Variants in DOLPP1 observed in about 807,000 individuals in gnomAD.
DOLPP1 encodes dolichyl pyrophosphate phosphatase 1.
In DOLPP1, 15 loss-of-function variants were observed where a neutral mutation model predicts 34.1. The ratio of observed to expected loss-of-function variants is 0.44; its 90% confidence interval spans 0.29 to 0.68. The LOEUF (loss-of-function observed/expected upper bound fraction) is 0.68, where lower values mean the gene tolerates loss of function less well. Among genes scored for constraint, DOLPP1 ranks in the 30% least tolerant of loss-of-function variants. The pLI is 0.12. For synonymous variants in DOLPP1, 130 were observed against 128.2 expected, an observed-to-expected ratio of 1.01 and a Z score of -0.10; for missense variants, 249 against 307.1, an observed-to-expected ratio of 0.81 and a Z score of 1.41.
At position 129,084,755 on chromosome 9, in the gene DOLPP1, G is replaced by A. The variant is rs758962136; in HGVS notation, c.164G>A (p.Arg55Gln). 2 of 1,611,772 alleles carry A rather than the reference G, an allele frequency of 1.2e-6. No homozygotes were observed. Among genetic ancestry groups the A allele is most frequent in the Non-Finnish European group, 8.5e-7 (1 of 1,178,012 alleles). ...TTCGTGACCCTCATCATATTTAAGC[G>A]GGAGCTGCACACGGTGAGTCTGTCT... ...VGFVTLIIFK[R>Q]ELHTISFLGG... The change falls in exon 2 of 8, where the codon CGG becomes CAG. Residue 55 changes from arginine to glutamine, a missense_variant. Transcript: ENST00000372546.
rs1223728516 is a variant in DOLPP1 at position 129,085,360 on chromosome 9, C to T, written c.362+54C>T. 1.9e-6 allele frequency: 3 copies of T among 1,564,764 alleles called. No homozygotes were observed. Among genetic ancestry groups the T allele is most frequent in the African/African-American group, 2.7e-5 (2 of 73,894 alleles). ...CTGAACTTGCTCAGGCCGAGTTCTG[C>T]TAGGGACTCACTGCTAGCCCTTTGG... On this transcript the variant is annotated intron_variant, in intron 4 of 7. Transcript: ENST00000372546. The surrounding 1 kb of genome is among the most constrained non-coding windows in gnomAD (Gnocchi z 7.0).
At chr9:129,087,106 G>A (rs1847004470) in intron 7 of DOLPP1, among the ~76,000 whole-genome samples, 1 of 152,132 alleles carries the variant, frequency 6.6e-6, no homozygotes, top group African/African-American at 2.4e-5. Context: ...GGTTCTCAGG[G>A]CTCCTGTGTG....
rs565838867 is a variant in DOLPP1 at position 129,086,382 on chromosome 9, C to A, written c.590+115C>A. The A allele has an allele frequency of 1.5e-4, 193 of 1,325,838 alleles. No individual in the cohort carries two copies. In the African/African-American group the frequency reaches 2.6e-3, roughly 18 times the overall value. 82.1% of individuals were successfully genotyped at this position (1,325,838 alleles called of 1,614,324 possible). ...CAGCCCCTGTCTCCCTGGGAAGGCC[C>A]CAGTGCCCCAGGGTTTGTGGCAGAG... On this transcript the variant is annotated intron_variant, in intron 6 of 7. Coordinates refer to ENST00000372546, the MANE Select transcript of DOLPP1 (RefSeq NM_020438.5).
chr9:129,089,114 T>G lies in DOLPP1; in HGVS notation c.*107T>G. The G allele has an allele frequency of 8.8e-7, 1 of 1,139,228 alleles. No individual in the cohort carries two copies. Among genetic ancestry groups the G allele is most frequent in the Non-Finnish European group, 1.3e-6 (1 of 775,380 alleles). 70.6% of individuals were successfully genotyped at this position (1,139,228 alleles called of 1,614,324 possible). Reference sequence around the variant, plus strand: ...AAGCAGAGACCTCTACAGACCCAAGTCACCAAGTGGAGCCTTTTTTTTTCT... The same window carrying G: ...AAGCAGAGACCTCTACAGACCCAAGGCACCAAGTGGAGCCTTTTTTTTTCT... On this transcript the variant is annotated 3_prime_UTR_variant, in exon 8 of 8. Transcript: ENST00000372546. This position sits in a 1 kb window ranked among gnomAD's most constrained non-coding sequence, Gnocchi z 4.9.
chr9:129,081,297 C>G (rs1368358205), intron 1 of DOLPP1, 90 bp downstream of exon 1: 17 of 1,507,834 alleles, frequency 1.1e-5, no homozygotes, highest in Non-Finnish European at 1.5e-5. Context: ...GCGGAGGGGG[C>G]GCCGGGGGAC....
At chr9:129,084,306 T>C (rs1406961121) in intron 1 of DOLPP1, among the ~76,000 whole-genome samples, 1 of 152,220 alleles carries the variant, frequency 6.6e-6, no homozygotes, top group Non-Finnish European at 1.5e-5. Context: ...TGGTCTAGTG[T>C]CTGGAACAGG....
intron 2 of DOLPP1, 28 bp downstream of exon 2, chr9:129,084,796 C>CCCCCCCCCCCCCCT: frequency 6.6e-7 from 1 of 1,519,094 alleles, no homozygotes; most frequent in Non-Finnish European, 9.1e-7. Flanking sequence ...ACACCCTCCC[C>CCCCCCCCCCCCCCT]ACCCCACCCC....
intron 1 of DOLPP1, 113 bp from the exon 2 acceptor site, chr9:129,084,555 T>C (rs1846948360): frequency 2.4e-6 from 2 of 833,304 alleles, no homozygotes; most frequent in Non-Finnish European, 4.2e-6. Flanking sequence ...CTGGCCTCCA[T>C]TCTCCAGGCC....
In DOLPP1 at chr9:129,085,140, C is replaced by T; in HGVS notation, c.262+33C>T. On this transcript the variant is annotated intron_variant, in intron 3 of 7. Coordinates refer to ENST00000372546, the MANE Select transcript of DOLPP1 (RefSeq NM_020438.5). The surrounding 1 kb of genome is among the most constrained non-coding windows in gnomAD (Gnocchi z 7.0). ...CTCAGCTGCGAGGGCCTGAGGTTCCCCCAGGTTGGGGCGTTACTGGGAGGT... is the reference window on the plus strand; with the variant it reads ...CTCAGCTGCGAGGGCCTGAGGTTCCTCCAGGTTGGGGCGTTACTGGGAGGT... 1 of 1,608,842 alleles carries T rather than the reference C, an allele frequency of 6.2e-7. No individual in the cohort carries two copies. Among genetic ancestry groups the T allele is most frequent in the Non-Finnish European group, 8.5e-7 (1 of 1,177,270 alleles).
intron 7 of DOLPP1, 25 bp downstream of exon 7, chr9:129,086,823 C>T: frequency 6.2e-7 from 1 of 1,604,868 alleles, no homozygotes; most frequent in South Asian, 1.1e-5. Context: ...CAGCAGTGCT[C>T]ACTGGGCCAG....
At chr9:129,087,076 C>T (rs1035810709) in intron 7 of DOLPP1, among the ~76,000 whole-genome samples, 3 of 152,182 alleles carry the variant, frequency 2.0e-5, no homozygotes, top group African/African-American at 7.2e-5. Context: ...CAGCCCAGAA[C>T]CAGAGAGCTG....
chr9:129,083,736 A>G (rs977161299), intron 1 of DOLPP1, among the ~76,000 whole-genome samples: 3 of 152,138 alleles, frequency 2.0e-5, no homozygotes, highest in Non-Finnish European at 4.4e-5. Flanking sequence ...AGTCTCATGC[A>G]GCTGTAGGAG....
intron 7 of DOLPP1, among the ~76,000 whole-genome samples, 167 bp downstream of exon 7, chr9:129,086,965 G>A (rs551851902): frequency 1.7e-4 from 26 of 152,342 alleles, no homozygotes; most frequent in African/African-American, 5.3e-4. Flanking sequence ...CTGAAGCTTG[G>A]AGAAGAGAAG....
chr9:129,081,337 C>A (rs1372734726), intron 1 of DOLPP1, 130 bp downstream of exon 1: 4 of 1,153,262 alleles, frequency 3.5e-6, no homozygotes, highest in Non-Finnish European at 4.7e-6. Flanking sequence ...TAGTGAACCA[C>A]GGAGGGGCTC....
intron 7 of DOLPP1, among the ~76,000 whole-genome samples, chr9:129,087,666 G>C (rs1847018134): frequency 2.0e-5 from 3 of 151,916 alleles, no homozygotes; most frequent in African/African-American, 7.3e-5. Flanking sequence ...TCCACAGGAA[G>C]CCTGGGAGGT....
intron 1 of DOLPP1, among the ~76,000 whole-genome samples, chr9:129,083,218 G>C (rs1289412848): frequency 6.6e-6 from 1 of 152,146 alleles, no homozygotes. Context: ...AGAGTAGAGA[G>C]GCCAGAGTCC....
intron 1 of DOLPP1, among the ~76,000 whole-genome samples, chr9:129,082,916 G>A (rs1290008691): frequency 1.3e-5 from 2 of 152,354 alleles, no homozygotes; most frequent in Non-Finnish European, 1.5e-5. Flanking sequence ...TCTCCCGTCA[G>A]ACCTCAAGCT....
In DOLPP1 at chr9:129,085,848, C is replaced by T. The variant is rs150432374; in HGVS notation, c.461+232C>T. 6.6e-6 allele frequency among the ~76,000 whole-genome samples: 1 copy of T among 152,350 alleles called. No homozygotes were observed. Among genetic ancestry groups the T allele is most frequent in the East Asian group, 1.9e-4 (1 of 5,184 alleles). Reference sequence around the variant, plus strand: ...AACTCCACGTATCAGCCATCTCTTCCCAGCGTTCCGGAGGAGCCCACTGTA... The same window carrying T: ...AACTCCACGTATCAGCCATCTCTTCTCAGCGTTCCGGAGGAGCCCACTGTA... On this transcript the variant is annotated intron_variant, in intron 5 of 7. Coordinates refer to ENST00000372546, the MANE Select transcript of DOLPP1 (RefSeq NM_020438.5). The surrounding 1 kb of genome is among the most constrained non-coding windows in gnomAD (Gnocchi z 7.0).
rs1297375475 is a variant in DOLPP1 at position 129,089,088 on chromosome 9, G to A, written c.*81G>A. On this transcript the variant is annotated 3_prime_UTR_variant, in exon 8 of 8. Transcript: ENST00000372546. The surrounding 1 kb of genome is among the most constrained non-coding windows in gnomAD (Gnocchi z 4.9). ...GATGGACAGGATGACAGACAGGGACGAAGCAGAGACCTCTACAGACCCAAG... is the reference window on the plus strand; with the variant it reads ...GATGGACAGGATGACAGACAGGGACAAAGCAGAGACCTCTACAGACCCAAG... 23 of 1,473,204 alleles carry A rather than the reference G, an allele frequency of 1.6e-5. No individual in the cohort carries two copies. The highest frequency in any genetic ancestry group is 4.1e-5 in the African/African-American group (3 of 72,332). 91.3% of individuals were successfully genotyped at this position (1,473,204 alleles called of 1,614,324 possible).
Sources: allele counts gnomAD v4.1 joint callset (sites outside exome capture counted in the v4.1 genomes callset), GRCh38; gene constraint gnomAD v4.1.1; non-coding constraint Gnocchi (gnomAD v3.1); transcripts MANE v1.5; gene names NCBI Gene and HGNC (gene_info 2026-07-23, HGNC 2026-07-21).